BCKDHB: variants seen among roughly 807,000 people sequenced by gnomAD.
BCKDHB encodes 2-oxoisovalerate dehydrogenase subunit beta, mitochondrial.
A neutral mutation model predicts 48.5 loss-of-function variants in BCKDHB; 41 were observed. The observed-to-expected ratio is 0.85, with a 90% CI of 0.66 to 1.10. The LOEUF is 1.10. Ranked by LOEUF, BCKDHB falls within the 50% of genes least tolerant of loss-of-function variation. The pLI is 0.00. For synonymous variants in BCKDHB, 201 were observed against 174.8 expected (o/e 1.15, Z -1.18); for missense variants, 496 against 494.2 (o/e 1.00, Z -0.03).
the BCKDHB span, among the ~76,000 whole-genome samples, chr6:80,378,529 C>T: frequency 6.6e-6 from 1 of 151,836 alleles, no homozygotes; most frequent in African/African-American, 2.4e-5. Context: ...GATAAGTGTC[C>T]ACCAACCCTT....
chr6:80,127,716 C>A, intron 2 of BCKDHB, 92 bp downstream of exon 2: 1 of 1,138,648 alleles, frequency 8.8e-7, no homozygotes, highest in Non-Finnish European at 1.3e-6. Flanking sequence ...CAATGGTTAA[C>A]ATTGTATCTA....
chr6:80,157,065 A>G (rs2127760894), intron 3 of BCKDHB, among the ~76,000 whole-genome samples: 1 of 152,310 alleles, frequency 6.6e-6, no homozygotes, highest in African/African-American at 2.4e-5. Context: ...TTGTATATCT[A>G]GTACTTGGTT....
the BCKDHB span, among the ~76,000 whole-genome samples, chr6:80,368,290 T>G: frequency 6.6e-6 from 1 of 152,178 alleles, no homozygotes; most frequent in African/African-American, 2.4e-5. Context: ...GCCAAAAATC[T>G]CAGTCATTTG....
the BCKDHB span, among the ~76,000 whole-genome samples, chr6:80,423,813 T>G: frequency 2.0e-5 from 3 of 152,344 alleles, no homozygotes; most frequent in African/African-American, 7.2e-5. Flanking sequence ...TCTTTATGTA[T>G]GGGTACTGCT....
chr6:80,392,962 T>C, the BCKDHB span, among the ~76,000 whole-genome samples: 3 of 151,676 alleles, frequency 2.0e-5, no homozygotes, highest in African/African-American at 7.3e-5. Context: ...ATAATTTTGA[T>C]TTATTATTAT....
chr6:80,447,374 A>G, the BCKDHB span, among the ~76,000 whole-genome samples: 1 of 151,896 alleles, frequency 6.6e-6, no homozygotes, highest in East Asian at 1.9e-4. Flanking sequence ...CAATAAATGC[A>G]ATAATGCATG....
chr6:80,180,921 T>C (rs1307846659), intron 6 of BCKDHB, among the ~76,000 whole-genome samples: 1 of 152,198 alleles, frequency 6.6e-6, no homozygotes, highest in East Asian at 1.9e-4. Context: ...TTGTTAGATT[T>C]TTAAATTAGT....
At chr6:80,223,727 T>C (rs554670437) in intron 8 of BCKDHB, among the ~76,000 whole-genome samples, 1 of 152,272 alleles carries the variant, frequency 6.6e-6, no homozygotes, top group Non-Finnish European at 1.5e-5. Context: ...AGATACGATA[T>C]GTAGTAACAG....
the BCKDHB span, among the ~76,000 whole-genome samples, chr6:80,400,130 G>T: frequency 6.6e-6 from 1 of 151,760 alleles, no homozygotes; most frequent in Non-Finnish European, 1.5e-5. Context: ...TAAAAACCCT[G>T]GAAGACAACA....
chr6:80,444,195 C>G, the BCKDHB span, among the ~76,000 whole-genome samples: 2 of 151,866 alleles, frequency 1.3e-5, no homozygotes, highest in Non-Finnish European at 2.9e-5. Context: ...TGTGAAGAAA[C>G]TTGTATGCCA....
chr6:80,291,021 C>G (rs552711255), intron 9 of BCKDHB, among the ~76,000 whole-genome samples: 4 of 152,218 alleles, frequency 2.6e-5, no homozygotes, highest in Non-Finnish European at 5.9e-5. Flanking sequence ...AGCTTCTTTA[C>G]TGCAGCCTGT....
chr6:80,325,055 G>A (rs1454966465), intron 9 of BCKDHB, among the ~76,000 whole-genome samples: 2 of 152,044 alleles, frequency 1.3e-5, no homozygotes, highest in Non-Finnish European at 2.9e-5. Flanking sequence ...GTCTTGTATG[G>A]GGACGGTTTT....
intron 6 of BCKDHB, among the ~76,000 whole-genome samples, chr6:80,189,109 G>A (rs978708800): frequency 6.6e-6 from 1 of 152,132 alleles, no homozygotes; most frequent in Non-Finnish European, 1.5e-5. Context: ...CAAATATCTG[G>A]AAGTCAAATA....
At chr6:80,463,947 A>G in the BCKDHB span, among the ~76,000 whole-genome samples, 7 of 152,128 alleles carry the variant, frequency 4.6e-5, no homozygotes, top group African/African-American at 1.2e-4. Flanking sequence ...CCTTGGGCTC[A>G]TTCCTCCTAC....
At chr6:80,424,332 C>G in the BCKDHB span, among the ~76,000 whole-genome samples, 1 of 152,080 alleles carries the variant, frequency 6.6e-6, no homozygotes, top group Non-Finnish European at 1.5e-5. Context: ...AGTTAAAGGT[C>G]TCTAAAGTTC....
At chr6:80,370,120 C>T in the BCKDHB span, among the ~76,000 whole-genome samples, 1 of 152,068 alleles carries the variant, frequency 6.6e-6, no homozygotes, top group South Asian at 2.1e-4. Context: ...GTAATTCCTA[C>T]CTTCAGAAAA....
chr6:80,279,746 A>G (rs1432180396), intron 9 of BCKDHB, among the ~76,000 whole-genome samples: 4 of 152,098 alleles, frequency 2.6e-5, no homozygotes, highest in African/African-American at 9.7e-5. Context: ...TCCTTTATTA[A>G]GTATTCTGGG....
At chr6:80,213,817 T>C (rs1448886636) in intron 8 of BCKDHB, among the ~76,000 whole-genome samples, 1 of 152,148 alleles carries the variant, frequency 6.6e-6, no homozygotes, top group Non-Finnish European at 1.5e-5. Flanking sequence ...GATGAAGACA[T>C]ACTCATAGAA....
At chr6:80,224,865 C>T (rs1775614817) in intron 8 of BCKDHB, among the ~76,000 whole-genome samples, 1 of 152,166 alleles carries the variant, frequency 6.6e-6, no homozygotes, top group African/African-American at 2.4e-5. Flanking sequence ...AGTTCATCTC[C>T]CTGTGCACTT....
Sources: gnomAD v4.1 joint callset for allele counts (sites outside exome capture counted in the v4.1 genomes callset) on GRCh38, gnomAD v4.1.1 for gene constraint, MANE v1.5 for transcripts, NCBI Gene and HGNC (gene_info 2026-07-23, HGNC 2026-07-21) for gene names.